Variants in MAD1L1 observed in about 807,000 individuals in gnomAD.
The protein encoded by MAD1L1 is mitotic arrest deficient 1 like 1.
Under a neutral mutation model 96.9 loss-of-function variants are expected in MAD1L1, and 95 were observed. The ratio of observed to expected loss-of-function variants is 0.98; its 90% CI spans 0.83 to 1.16. The LOEUF (loss-of-function observed/expected upper bound fraction) is 1.16. MAD1L1 is among the 50% of genes most tolerant of loss of function. MAD1L1 has a pLI of 0.00. For missense variants in MAD1L1, 1,007 were observed against 954.4 expected (o/e 1.06, Z -0.73); for synonymous variants, 473 against 396.6 (o/e 1.19, Z -2.29).
chr7:1,888,524 G>T (rs1022963965), intron 18 of MAD1L1, among the ~76,000 whole-genome samples: 3 of 135,480 alleles, frequency 2.2e-5, no homozygotes, highest in Non-Finnish European at 4.7e-5. Context: ...GTGTGCATGC[G>T]TGTGTGGTTG....
intron 17 of MAD1L1, among the ~76,000 whole-genome samples, chr7:1,902,551 A>G (rs148117518): frequency 2.5e-3 from 378 of 152,332 alleles, no homozygotes; most frequent in South Asian, 0.011. Context: ...GAACCTTTTA[A>G]AGGTACCGAC....
At chr7:2,227,023 G>C (rs975471193) in intron 3 of MAD1L1, among the ~76,000 whole-genome samples, 6 of 150,544 alleles carry the variant, frequency 4.0e-5, no homozygotes, top group African/African-American at 1.5e-4. Flanking sequence ...GCCAGGCGTG[G>C]TGGCTCACGT....
intron 10 of MAD1L1, among the ~76,000 whole-genome samples, chr7:2,202,528 G>T (rs577095173): frequency 6.6e-6 from 1 of 152,340 alleles, no homozygotes; most frequent in African/African-American, 2.4e-5. Flanking sequence ...AACGAAAAGG[G>T]GAAACGTGGC....
chr7:2,117,598 C>T (rs1047961557), intron 11 of MAD1L1, among the ~76,000 whole-genome samples: 2 of 152,202 alleles, frequency 1.3e-5, no homozygotes, highest in East Asian at 3.8e-4. Context: ...AGGGACTTTT[C>T]CCCCTTTTGC....
intron 17 of MAD1L1, among the ~76,000 whole-genome samples, chr7:1,925,496 G>T (rs1380028200): frequency 6.6e-6 from 1 of 152,170 alleles, no homozygotes; most frequent in African/African-American, 2.4e-5. Context: ...CTTTCCTGAG[G>T]CGCCATCACA....
intron 17 of MAD1L1, among the ~76,000 whole-genome samples, chr7:1,899,398 G>A (rs907605250): frequency 5.8e-4 from 88 of 152,124 alleles, no homozygotes; most frequent in African/African-American, 2.1e-3. Context: ...AGGCGGGGAC[G>A]GGAGCCTGCT....
intron 18 of MAD1L1, among the ~76,000 whole-genome samples, chr7:1,854,924 G>A (rs1213041792): frequency 6.6e-6 from 1 of 152,258 alleles, no homozygotes. Flanking sequence ...GAGGCCCAGA[G>A]GCCTGAGAGC....
chr7:2,219,468 G>A lies in MAD1L1; in HGVS notation c.472-12C>T. On this transcript the variant is annotated splice_polypyrimidine_tract_variant and intron_variant, in intron 5 of 18. Transcript: ENST00000265854. ...AGTGCGTTGATGGTCTAAAAGTAGA[G>A]GGGACCAGAGAGCCGCTCAGTGAGT... The A allele has an allele frequency of 6.2e-7, 1 of 1,612,594 alleles. No homozygotes were observed.
intron 11 of MAD1L1, among the ~76,000 whole-genome samples, chr7:2,111,778 G>T (rs566868111): frequency 1.6e-4 from 25 of 152,282 alleles, no homozygotes; most frequent in Admixed American, 1.5e-3. Context: ...AGGCCTGTGC[G>T]GAGTGGACCT....
In MAD1L1 at chr7:2,069,120, A is replaced by C. The variant is rs138153018; in HGVS notation, c.1218+74T>G. On this transcript the variant is annotated intron_variant, in intron 12 of 18. Transcript: ENST00000265854. ...CTGCAGCACTCCTGCCTCCACAGTG[A>C]GATCCAGCTAACCAGGTGTGCACTG... is the stretch of plus-strand genomic sequence containing the variant. 2.3e-5 allele frequency: 33 copies of C among 1,452,474 alleles called. No individual in the cohort carries two copies. In the Admixed American group the frequency reaches 8.3e-4, roughly 36 times the overall value. The allele number at this position is 1,452,474 out of a possible 1,614,324, so 90.0% of individuals were successfully genotyped here. A position where few individuals can be genotyped will look rare whatever the true frequency, so the allele number is the denominator to read the frequency against.
At chr7:1,830,242 C>T (rs1056362529) in intron 18 of MAD1L1, among the ~76,000 whole-genome samples, 2 of 152,140 alleles carry the variant, frequency 1.3e-5, no homozygotes, top group African/African-American at 2.4e-5. Flanking sequence ...ACTAAAAATA[C>T]AAAAATTGGC....
intron 17 of MAD1L1, among the ~76,000 whole-genome samples, chr7:1,934,970 A>C (rs1340305276): frequency 2.6e-5 from 4 of 151,676 alleles, no homozygotes; most frequent in Admixed American, 2.0e-4. Context: ...CAAGGGAACG[A>C]ACAGATGGGC....
chr7:2,149,891 T>C (rs1370862189), intron 10 of MAD1L1, among the ~76,000 whole-genome samples: 2 of 152,196 alleles, frequency 1.3e-5, no homozygotes, highest in Non-Finnish European at 2.9e-5. Flanking sequence ...ATCTGAGCCA[T>C]GCATGCAAAG....
At chr7:2,127,494 C>T (rs914099705) in intron 11 of MAD1L1, among the ~76,000 whole-genome samples, 2 of 151,466 alleles carry the variant, frequency 1.3e-5, no homozygotes, top group Non-Finnish European at 2.9e-5. Context: ...CAGCTGCACA[C>T]GGGGGAGCGG....
chr7:2,042,434 C>G (rs575609290), intron 12 of MAD1L1, among the ~76,000 whole-genome samples: 10 of 152,356 alleles, frequency 6.6e-5, no homozygotes, highest in Admixed American at 6.5e-4. Flanking sequence ...CCCCAGAACC[C>G]TGGCGTTTAG....
chr7:1,986,378 G>A lies in MAD1L1; in HGVS notation c.1417-5837C>T, dbSNP rs1781143474. Among the ~76,000 whole-genome samples, 3 of 102,426 alleles carry A rather than the reference G, an allele frequency of 2.9e-5. No individual in the cohort carries two copies. The South Asian group carries it at 9.6e-4, about 33-fold the overall frequency. The allele number at this position is 102,426 out of a possible 152,430, so 67.2% of individuals were successfully genotyped here. A position where few individuals can be genotyped will look rare whatever the true frequency, so the allele number is the denominator to read the frequency against. On this transcript the variant is annotated intron_variant, in intron 14 of 18. Transcript: ENST00000265854. ...ACGCCAGTCCAGCTTGGAACCACAC[G>A]CCAGTCCAGGGACCCCCGTTCCAGC...
intron 18 of MAD1L1, among the ~76,000 whole-genome samples, chr7:1,896,599 A>G (rs1786886540): frequency 6.6e-6 from 1 of 152,216 alleles, no homozygotes; most frequent in Non-Finnish European, 1.5e-5. Flanking sequence ...TACGTATGAA[A>G]CACCGAAAGG....
chr7:1,970,845 T>C (rs1780371045), intron 15 of MAD1L1, among the ~76,000 whole-genome samples: 2 of 152,172 alleles, frequency 1.3e-5, no homozygotes, highest in African/African-American at 4.8e-5. Flanking sequence ...ATTTACTTAT[T>C]GTTTTAAAAC....
chr7:2,232,767 C>G (rs957357803), intron 1 of MAD1L1, 105 bp downstream of exon 1: 1 of 152,234 alleles, frequency 6.6e-6, no homozygotes, highest in Non-Finnish European at 1.5e-5. Flanking sequence ...CGTTGTGCCC[C>G]ACCCTGGCGA....
Sources: gnomAD v4.1 joint callset for allele counts (sites outside exome capture counted in the v4.1 genomes callset) on GRCh38, gnomAD v4.1.1 for gene constraint, MANE v1.5 for transcripts, NCBI Gene and HGNC (gene_info 2026-07-23, HGNC 2026-07-21) for gene names.